The following KLHL31 variants were observed in gnomAD, a reference collection of about 807,000 sequenced individuals.
KLHL31 encodes kelch-like protein 31.
Under a neutral mutation model 47.1 loss-of-function variants are expected in KLHL31, and 32 were observed. The observed-to-expected ratio is 0.68, with a 90% CI of 0.51 to 0.91. KLHL31 has a LOEUF of 0.91. Among genes scored for constraint, KLHL31 ranks in the 40% least tolerant of loss-of-function variants. KLHL31 has a pLI of 0.00. For synonymous variants in KLHL31, 330 were observed against 325.1 expected, an observed-to-expected ratio of 1.01 and a Z score of -0.16; for missense variants, 797 against 819.3, an observed-to-expected ratio of 0.97 and a Z score of 0.33.
In KLHL31 at chr6:53,651,654, T is replaced by C. The variant is rs761662714; in HGVS notation, c.1849A>G (p.Asn617Asp). ...CTGGCCCGGGATTCCCGAGTCACGT[T>C]GTTGGGCATCGAGAGGGTGCAGCAG... is the stretch of plus-strand genomic sequence containing the variant. ...VSCCTLSMPN[N>D]VTRESRASSV... Residue 617 changes from asparagine to aspartate, a missense_variant, in exon 3 of 3, where the codon AAC becomes GAC. By Grantham distance (23) the Asn-to-Asp change is conservative. Coordinates refer to ENST00000370905, the MANE Select transcript of KLHL31 (RefSeq NM_001003760.5). The C allele has an allele frequency of 2.5e-6, 4 of 1,614,020 alleles. No homozygotes were observed. In the African/African-American group the frequency reaches 5.3e-5, roughly 22 times the overall value.
At position 53,654,219 on chromosome 6, in the gene KLHL31, G is replaced by A. The variant is rs375102972; in HGVS notation, c.1054C>T (p.Pro352Ser). The stretch of plus-strand genomic sequence containing the variant: ...ACACACTGATTAAAACTTTTGGCTG[G>A]CATTTCCGTAAGCTTGCTCCATCCA... ...ENGWSKLTEM[P>S]AKSFNQCVAV... Residue 352 changes from proline to serine, a missense_variant, in exon 2 of 3, where the codon CCA (proline) becomes TCA (serine). Transcript: ENST00000370905. The A allele has an allele frequency of 6.8e-6, 11 of 1,614,026 alleles. No homozygotes were observed. In the African/African-American group the frequency reaches 1.2e-4, roughly 18 times the overall value.
At position 53,654,350 on chromosome 6, in the gene KLHL31, C is replaced by T. The variant is rs747924379; in HGVS notation, c.923G>A (p.Arg308Gln). ...PYHQNTLQSR[R>Q]TRIRGGCRVL... ...TCGGCAGCCACCTCGGATTCTTGTT[C>T]GCCTAGATTGCAATGTGTTTTGATG... The change falls in exon 2 of 3, where the codon CGA becomes CAA. Residue 308 changes from arginine (R) to glutamine (Q), a missense_variant. Transcript: ENST00000370905. The T allele has an allele frequency of 4.3e-5, 70 of 1,614,072 alleles. No individual in the cohort carries two copies. Among genetic ancestry groups the T allele is most frequent in the Non-Finnish European group, 5.3e-5 (63 of 1,180,042 alleles).
chr6:53,654,654 G>C lies in KLHL31; in HGVS notation c.619C>G (p.Gln207Glu). 6.2e-7 allele frequency: 1 copy of C among 1,614,136 alleles called. No homozygotes were observed. The change falls in exon 2 of 3, where the codon CAG becomes GAG. Residue 207 changes from glutamine to glutamate, a missense_variant. Physicochemically the swap from Gln to Glu is conservative, Grantham distance 29 (BLOSUM62 2). Transcript: ENST00000370905. ...DNFLEFAESDQFMKLTFEQIN... is the reference protein window; with the variant it reads ...DNFLEFAESDEFMKLTFEQIN... ...TGTTCAAATGTAAGTTTCATAAACT[G>C]ATCCGATTCTGCAAATTCAAGGAAG...
Position 53,651,909 on chromosome 6 carries a change from C to G in KLHL31, c.1594G>C (p.Val532Leu), listed in dbSNP as rs944644242. The change falls in exon 3 of 3, where the codon GTG becomes CTG. Residue 532 changes from valine to leucine, a missense_variant. Val to Leu is a conservative substitution (Grantham distance 32, BLOSUM62 1). Transcript: ENST00000370905. ...QLGPRGERVD[V>L]LTVECYSPAT... ...GGGCTGTAGCACTCCACGGTGAGCA[C>G]GTCCACGCGCTCCCCGCGCGGCCCC... 4 of 1,590,704 alleles carry G rather than the reference C, an allele frequency of 2.5e-6. No individual in the cohort carries two copies. The highest frequency in any genetic ancestry group is 3.4e-6 in the Non-Finnish European group (4 of 1,174,930).
chr6:53,651,141 A>G lies in KLHL31; in HGVS notation c.*457T>C, dbSNP rs1214497513. The stretch of plus-strand genomic sequence containing the variant: ...GGAGATCGACAATTTCCATTTTTAA[A>G]TAAATAAAATCTATATGAATATCTT... On this transcript the variant is annotated 3_prime_UTR_variant, in exon 3 of 3. Coordinates refer to ENST00000370905, the MANE Select transcript of KLHL31 (RefSeq NM_001003760.5). 6.5e-6 allele frequency: 1 copy of G among 152,690 alleles called. No individual in the cohort carries two copies. Among genetic ancestry groups the G allele is most frequent in the Non-Finnish European group, 1.5e-5 (1 of 68,394 alleles). 9.5% of individuals were successfully genotyped at this position (152,690 alleles called of 1,614,324 possible).
intron 1 of KLHL31, among the ~76,000 whole-genome samples, chr6:53,657,153 G>C (rs987741116): frequency 6.6e-6 from 1 of 151,882 alleles, no homozygotes; most frequent in Non-Finnish European, 1.5e-5. Context: ...TGCCCAGGCT[G>C]GTCTCAAACT....
intron 1 of KLHL31, among the ~76,000 whole-genome samples, chr6:53,661,189 T>G (rs952575565): frequency 6.6e-6 from 1 of 152,234 alleles, no homozygotes; most frequent in African/African-American, 2.4e-5. Flanking sequence ...TTTTCTCAAC[T>G]TAAGGAGAAC....
chr6:53,664,766 T>A (rs1423582345), intron 1 of KLHL31, among the ~76,000 whole-genome samples: 3 of 152,304 alleles, frequency 2.0e-5, no homozygotes, highest in East Asian at 3.9e-4. Flanking sequence ...GATCCCAGAA[T>A]GTCTTTTTGC....
At chr6:53,660,432 T>C (rs981612139) in intron 1 of KLHL31, among the ~76,000 whole-genome samples, 15 of 152,192 alleles carry the variant, frequency 9.9e-5, no homozygotes, top group Non-Finnish European at 2.2e-4. Context: ...TTTTAAAGCC[T>C]GTGAAATCAC....
intron 1 of KLHL31, among the ~76,000 whole-genome samples, chr6:53,661,923 G>A (rs79431838): frequency 0.053 from 8,084 of 152,164 alleles, 290 homozygotes; most frequent in East Asian, 0.092. Flanking sequence ...TGATTCAATT[G>A]ATATTTTAAC....
chr6:53,656,611 A>G (rs1244570484), intron 1 of KLHL31, among the ~76,000 whole-genome samples: 3 of 152,084 alleles, frequency 2.0e-5, no homozygotes, highest in African/African-American at 2.4e-5. Flanking sequence ...TTAAAAATCA[A>G]TGAGAAAGAA....
rs1349670463 is a variant in KLHL31, at chr6:53,651,905, A to T, written c.1598T>A (p.Leu533His). The change falls in exon 3 of 3, where the codon CTC (leucine) becomes CAC (histidine). Residue 533 changes from leucine (L) to histidine (H), a missense_variant. Leu to His is a moderately conservative substitution (Grantham distance 99). Coordinates refer to ENST00000370905, the MANE Select transcript of KLHL31 (RefSeq NM_001003760.5). ...LGPRGERVDV[L>H]TVECYSPATG... ...CGCGGGGCTGTAGCACTCCACGGTG[A>T]GCACGTCCACGCGCTCCCCGCGCGG... 4 of 1,592,192 alleles carry T rather than the reference A, an allele frequency of 2.5e-6. No individual in the cohort carries two copies. The Admixed American group carries it at 6.8e-5, about 27-fold the overall frequency.
In KLHL31 at chr6:53,654,922, T is replaced by C. The variant is rs1352319658; in HGVS notation, c.351A>G (p.Ser117=). Residue 117 remains serine, a synonymous_variant, in exon 2 of 3, where the codon TCA becomes TCG. Transcript: ENST00000370905. ...CAATGACAGTGGCCAGGCCTAGTGG[T>C]GAGATATCATTGAGATCCACCCTCT... is the stretch of plus-strand genomic sequence containing the variant. The part of the protein sequence containing the change: ...SIQRVDLNDI[S]PLGLATVIAY... 6.8e-6 allele frequency: 11 copies of C among 1,613,444 alleles called. No individual in the cohort carries two copies. Among genetic ancestry groups the C allele is most frequent in the South Asian group, 3.3e-5 (3 of 91,078 alleles).
rs756499205 is a variant in KLHL31, at chr6:53,651,616, A to C, written c.1887T>G (p.Ser629=). The change falls in exon 3 of 3, where the codon TCT becomes TCG. Residue 629 remains serine (S), a synonymous_variant. Coordinates refer to ENST00000370905, the MANE Select transcript of KLHL31 (RefSeq NM_001003760.5). ...TRESRASSVS[S]VPVSI ...CCTGGGCTCAGATACTGACTGGCAC[A>C]GAAGATACCGAACTGGCCCGGGATT... The C allele has an allele frequency of 6.2e-7, 1 of 1,613,838 alleles. No individual in the cohort carries two copies. The highest frequency in any genetic ancestry group is 2.2e-5 in the East Asian group (1 of 44,866).
Position 53,654,400 on chromosome 6 carries a change from A to C in KLHL31, c.873T>G (p.Ala291=). ...GATATGGAAGCAAGTGGTAGTTCAT[A>C]GCATCTACGAGAAGTCTGTGACAAT... is the stretch of plus-strand genomic sequence containing the variant. ...DADCHRLLVD[A]MNYHLLPYHQ... Residue 291 remains alanine (A), a synonymous_variant, in exon 2 of 3, where the codon GCT becomes GCG. Transcript: ENST00000370905. 1 of 1,614,224 alleles carries C rather than the reference A, an allele frequency of 6.2e-7. No individual in the cohort carries two copies. The highest frequency in any genetic ancestry group is 2.2e-5 in the East Asian group (1 of 44,884).
chr6:53,654,498 G>A lies in KLHL31; in HGVS notation c.775C>T (p.Arg259Cys), dbSNP rs761083704. 13 of 1,614,062 alleles carry A rather than the reference G, an allele frequency of 8.1e-6. No homozygotes were observed. The highest frequency in any genetic ancestry group is 1.1e-5 in the South Asian group (1 of 91,082). ...TCTTGTGCAGAGATGGTACCAAAGC[G>A]AATATTGCTCAAAAGATCTGCAGCG... ...KYAADLLSNI[R>C]FGTISAQDLV... Residue 259 changes from arginine (R) to cysteine (C), a missense_variant, in exon 2 of 3, where the codon CGC becomes TGC. Arg to Cys is a radical substitution (Grantham distance 180). Coordinates refer to ENST00000370905, the MANE Select transcript of KLHL31 (RefSeq NM_001003760.5).
In KLHL31 at chr6:53,650,495, G is replaced by C. The variant is rs924181430; in HGVS notation, c.*1103C>G. On this transcript the variant is annotated 3_prime_UTR_variant, in exon 3 of 3. Transcript: ENST00000370905. Reference sequence around the variant, plus strand: ...GGATCCATATTAAATGGGAAACAATGGCATTTATCAACAGGAGAACCCATT... The same window carrying C: ...GGATCCATATTAAATGGGAAACAATCGCATTTATCAACAGGAGAACCCATT... 2 of 152,122 alleles carry C rather than the reference G, an allele frequency of 1.3e-5. No homozygotes were observed. The highest frequency in any genetic ancestry group is 2.4e-5 in the African/African-American group (1 of 41,414). 9.4% of individuals were successfully genotyped at this position (152,122 alleles called of 1,614,324 possible). A position where few individuals can be genotyped will look rare whatever the true frequency, so the allele number is the denominator to read the frequency against.
rs756549194 is a variant in KLHL31, at chr6:53,655,063, G to A, written c.210C>T (p.Asn70=). 3 of 1,614,014 alleles carry A rather than the reference G, an allele frequency of 1.9e-6. No individual in the cohort carries two copies. Among genetic ancestry groups the A allele is most frequent in the Non-Finnish European group, 2.5e-6 (3 of 1,179,966 alleles). The change falls in exon 2 of 3, where the codon AAC becomes AAT. Residue 70 remains asparagine, a synonymous_variant. Coordinates refer to ENST00000370905, the MANE Select transcript of KLHL31 (RefSeq NM_001003760.5). ...LEGLSKMRQE[N]FLCDLVIGTK... ...TACCAATGACTAAGTCACATAGGAA[G>A]TTCTCCTGCCGCATTTTACTTAAAC...
At chr6:53,664,906 C>T (rs1764697208) in intron 1 of KLHL31, among the ~76,000 whole-genome samples, 2 of 152,294 alleles carry the variant, frequency 1.3e-5, no homozygotes, top group Admixed American at 1.3e-4. Context: ...CATTTTAAGT[C>T]CAACCTCGGG....
Sources: allele counts gnomAD v4.1 joint callset (sites outside exome capture counted in the v4.1 genomes callset), GRCh38; gene constraint gnomAD v4.1.1; transcripts MANE v1.5; gene names NCBI Gene and HGNC (gene_info 2026-07-23, HGNC 2026-07-21).